Variants in EPS8L1 observed in about 807,000 individuals in gnomAD.
EPS8L1 encodes the protein EPS8 signaling adaptor L1, also known as epidermal growth factor receptor kinase substrate 8-like protein 1.
Under a neutral mutation model 91.7 loss-of-function variants are expected in EPS8L1, and 101 were observed. The ratio of observed to expected loss-of-function variants is 1.10; its 90% confidence interval spans 0.94 to 1.30. The LOEUF is 1.30. Ranked by LOEUF, EPS8L1 falls within the 50% of genes most tolerant of loss-of-function variation. The probability of loss-of-function intolerance (pLI) is 0.00; values close to 1 mark genes in which losing one functional copy is unlikely to be tolerated. For synonymous variants in EPS8L1, 506 were observed against 445.3 expected, an observed-to-expected ratio of 1.14 and a Z score of -1.72; for missense variants, 1,114 against 1,017.0, an observed-to-expected ratio of 1.10 and a Z score of -1.30.
rs141622953 is a variant in EPS8L1 at position 55,079,842 on chromosome 19, G to T, written c.270G>T (p.Pro90=). 8 of 1,611,926 alleles carry T rather than the reference G, an allele frequency of 5.0e-6. No individual in the cohort carries two copies. The South Asian group carries it at 7.7e-5, about 16-fold the overall frequency. The change falls in exon 5 of 20, where the codon CCG becomes CCT. Residue 90 remains proline, a synonymous_variant. Transcript: ENST00000201647. The part of the protein sequence containing the change: ...VSPDHVTLLD[P]ASKEELESYP... The stretch of plus-strand genomic sequence containing the variant: ...CCGACCATGTCACGCTGCTCGACCC[G>T]GCCTCCAAGGTGCCGGGGGGCACGT...
At chr19:55,077,867 G>C (rs887802896) in intron 2 of EPS8L1, among the ~76,000 whole-genome samples, 1 of 150,514 alleles carries the variant, frequency 6.6e-6, no homozygotes, top group African/African-American at 2.4e-5. Flanking sequence ...GATTACAGGC[G>C]TGAGCCACCG....
chr19:55,087,880 T>C lies in EPS8L1; in HGVS notation c.*266T>C, dbSNP rs1333897909. 17 of 497,816 alleles carry C rather than the reference T, an allele frequency of 3.4e-5. 1 individual carries two copies. In the East Asian group the frequency reaches 6.3e-4, roughly 19 times the overall value. 30.8% of individuals were successfully genotyped at this position (497,816 alleles called of 1,614,324 possible). ...AGAGGGTGCAGTGGAGCCCTGAGCA[T>C]TGTAATATGCGGCCCAGCCTATAAA... On this transcript the variant is annotated 3_prime_UTR_variant, in exon 20 of 20. Coordinates refer to ENST00000201647, the MANE Select transcript of EPS8L1 (RefSeq NM_133180.3).
chr19:55,081,386 C>A lies in EPS8L1; in HGVS notation c.668C>A (p.Ala223Glu), dbSNP rs2076256084. 1 of 1,581,442 alleles carries A rather than the reference C, an allele frequency of 6.3e-7. No individual in the cohort carries two copies. Among genetic ancestry groups the A allele is most frequent in the African/African-American group, 1.3e-5 (1 of 74,484 alleles). Reference sequence around the variant, plus strand: ...AAGCCCATTCCCGAGGCAGAGGAGGCGCAGAGGCCTGAGCCGGTGGGGACC... The same window carrying A: ...AAGCCCATTCCCGAGGCAGAGGAGGAGCAGAGGCCTGAGCCGGTGGGGACC... ...QAKPIPEAEE[A>E]QRPEPVGTSS... Residue 223 changes from alanine (A) to glutamate (E), a missense_variant, in exon 8 of 20, where the codon GCG becomes GAG. Transcript: ENST00000201647. This position sits in a 1 kb window ranked among gnomAD's most constrained non-coding sequence, Gnocchi z 4.9.
intron 6 of EPS8L1, 57 bp from the exon 7 acceptor site, chr19:55,080,715 C>T: frequency 1.3e-6 from 2 of 1,588,118 alleles, no homozygotes; most frequent in Middle Eastern, 1.8e-4. Flanking sequence ...AGGGGCGAGG[C>T]CCGGGTAGGA....
At chr19:55,086,581 C>T (rs2076354749) in intron 17 of EPS8L1, 63 bp downstream of exon 17, 7 of 1,537,382 alleles carry the variant, frequency 4.6e-6, no homozygotes, top group African/African-American at 2.7e-5. Flanking sequence ...GGCAGAGAAA[C>T]GGGGGCTCAG....
chr19:55,085,778 C>A (rs1447749191), intron 14 of EPS8L1, 63 bp from the exon 15 acceptor site: 6 of 1,563,634 alleles, frequency 3.8e-6, no homozygotes, highest in Non-Finnish European at 5.2e-6. Context: ...ACACCAGCAC[C>A]CTGCAGCCCA....
Position 55,081,803 on chromosome 19 carries a change from G to T in EPS8L1, c.805G>T (p.Glu269Ter). 3.7e-6 allele frequency: 6 copies of T among 1,612,050 alleles called. No individual in the cohort carries two copies. The highest frequency in any genetic ancestry group is 5.1e-6 in the Non-Finnish European group (6 of 1,178,462). The change falls in exon 9 of 20, where the codon GAG (glutamate) becomes TAG (stop). Residue 269 changes from glutamate (E) to a stop codon, truncating the protein, a stop_gained. Coordinates refer to ENST00000201647, the MANE Select transcript of EPS8L1 (RefSeq NM_133180.3). LOFTEE classifies it high-confidence loss of function. The surrounding 1 kb of genome is among the most constrained non-coding windows in gnomAD (Gnocchi z 4.9). ...CCTGAACCACGTGTTCGACGACGTA[G>T]AGAGCTTTGTATCGAGGCTGCAGAA... is the stretch of plus-strand genomic sequence containing the variant. ...DILNHVFDDVESFVSRLQKSA... is the reference protein window; with the variant it reads ...DILNHVFDDV
chr19:55,086,421 A>AGCCCCG lies in EPS8L1; in HGVS notation c.1686_1691dup (p.Ala563_Pro564dup), dbSNP rs1568797540. 7.7e-6 allele frequency: 12 copies of AGCCCCG among 1,560,368 alleles called. No individual in the cohort carries two copies. The highest frequency in any genetic ancestry group is 1.7e-4 in the Middle Eastern group (1 of 6,022). ...GCACTCCTCCTCCACCACCAGCCCC[A>AGCCCCG]GCCCCGGCCCCACCTCCAGCTCTGG... On this transcript the variant is annotated inframe_insertion, in exon 17 of 20. Coordinates refer to ENST00000201647, the MANE Select transcript of EPS8L1 (RefSeq NM_133180.3).
Position 55,081,551 on chromosome 19 carries a change from G to T in EPS8L1, c.774+59G>T. The T allele has an allele frequency of 6.7e-7, 1 of 1,492,388 alleles. No individual in the cohort carries two copies. The highest frequency in any genetic ancestry group is 1.4e-5 in the South Asian group (1 of 73,200). 92.4% of individuals were successfully genotyped at this position (1,492,388 alleles called of 1,614,324 possible). On this transcript the variant is annotated intron_variant, in intron 8 of 19. Coordinates refer to ENST00000201647, the MANE Select transcript of EPS8L1 (RefSeq NM_133180.3). This position sits in a 1 kb window ranked among gnomAD's most constrained non-coding sequence, Gnocchi z 4.9. ...CCAGGCGACTGGAGGCGGGGCTAGG[G>T]CGTGGAAGGGCGGGGCCGGCTGCGG...
rs1364744464 is a variant in EPS8L1 at position 55,080,829 on chromosome 19, G to A, written c.487G>A (p.Gly163Arg). The A allele has an allele frequency of 1.2e-6, 2 of 1,611,360 alleles. No individual in the cohort carries two copies. The highest frequency in any genetic ancestry group is 2.2e-5 in the South Asian group (2 of 90,804). Residue 163 changes from glycine (G) to arginine (R), a missense_variant, in exon 7 of 20, where the codon GGG becomes AGG. Gly to Arg is a moderately radical substitution (Grantham distance 125). Transcript: ENST00000201647. ...TCTGCACAATTACCGCTCGGGCCGC[G>A]GGGAGCGCAGGGCGGCGGCGCTCAG... is the stretch of plus-strand genomic sequence containing the variant. ...GALHNYRSGRGERRAAALRAT... is the reference protein window; with the variant it reads ...GALHNYRSGRRERRAAALRAT...
intron 6 of EPS8L1, 125 bp downstream of exon 6, chr19:55,080,403 G>A (rs2076229649): frequency 1.9e-6 from 3 of 1,576,180 alleles, no homozygotes; most frequent in Non-Finnish European, 2.6e-6. Flanking sequence ...GAGCAAGGAA[G>A]GGCAGGGGAC....
At chr19:55,086,009 C>T in intron 15 of EPS8L1, 36 bp downstream of exon 15, 1 of 1,602,108 alleles carries the variant, frequency 6.2e-7, no homozygotes, top group African/African-American at 1.3e-5. Flanking sequence ...CAGGAATTAG[C>T]CAGCCCTAGC....
chr19:55,087,454 C>A lies in EPS8L1; in HGVS notation c.2085+19C>A, dbSNP rs763293832. ...GCTGGAGGTGAGCCGGACCGCTGGTCCCTGGGTCTGGGTAGGGTTGGGATG... is the reference window on the plus strand; with the variant it reads ...GCTGGAGGTGAGCCGGACCGCTGGTACCTGGGTCTGGGTAGGGTTGGGATG... On this transcript the variant is annotated intron_variant, in intron 19 of 19. Coordinates refer to ENST00000201647, the MANE Select transcript of EPS8L1 (RefSeq NM_133180.3). 6.2e-7 allele frequency: 1 copy of A among 1,614,094 alleles called. No individual in the cohort carries two copies.
At chr19:55,080,658 G>A in intron 6 of EPS8L1, 114 bp from the exon 7 acceptor site, 1 of 1,565,932 alleles carries the variant, frequency 6.4e-7, no homozygotes, top group East Asian at 2.3e-5. Flanking sequence ...GTTCACAGGT[G>A]TGAACGGTAG....
chr19:55,080,161 C>A lies in EPS8L1; in HGVS notation c.312C>A (p.Ile104=). Residue 104 remains isoleucine (I), a synonymous_variant, in exon 6 of 20, where the codon ATC becomes ATA. Transcript: ENST00000201647. ...EELESYPLGA[I]VRCDAVMPPG... ...TGGAGTCGTACCCACTGGGCGCCAT[C>A]GTGCGCTGTGACGCGGTGATGCCAC... 6.6e-7 allele frequency: 1 copy of A among 1,526,420 alleles called. No homozygotes were observed. The highest frequency in any genetic ancestry group is 8.8e-7 in the Non-Finnish European group (1 of 1,130,658). The allele number at this position is 1,526,420 out of a possible 1,614,324, so 94.6% of individuals were successfully genotyped here. A position where few individuals can be genotyped will look rare whatever the true frequency, so the allele number is the denominator to read the frequency against.
In EPS8L1 at chr19:55,081,945, T is replaced by C. The variant is rs776160232; in HGVS notation, c.901+46T>C. On this transcript the variant is annotated intron_variant, in intron 9 of 19. Transcript: ENST00000201647. The surrounding 1 kb of genome is among the most constrained non-coding windows in gnomAD (Gnocchi z 4.9). Reference sequence around the variant, plus strand: ...GGATCTGAACCCCCTCCCGATCTCTTCCAAATGTCCCCGCTCTCCCCAGGC... The same window carrying C: ...GGATCTGAACCCCCTCCCGATCTCTCCCAAATGTCCCCGCTCTCCCCAGGC... 1.3e-6 allele frequency: 2 copies of C among 1,588,188 alleles called. No homozygotes were observed. Among genetic ancestry groups the C allele is most frequent in the Non-Finnish European group, 1.7e-6 (2 of 1,167,388 alleles).
chr19:55,080,997 A>T (rs545228955), intron 7 of EPS8L1, 143 bp downstream of exon 7: 6 of 914,622 alleles, frequency 6.6e-6, no homozygotes, highest in Middle Eastern at 4.4e-4. Flanking sequence ...TACCTCCCAG[A>T]CGAGCTGACC....
rs1205313238 is a variant in EPS8L1 at position 55,085,930 on chromosome 19, G to A, written c.1475G>A (p.Arg492His). The A allele has an allele frequency of 9.9e-6, 16 of 1,613,540 alleles. No individual in the cohort carries two copies. The highest frequency in any genetic ancestry group is 1.3e-5 in the African/African-American group (1 of 74,878). ...CTGTGTAATTATGACTTCCAGGCCC[G>A]CAACAGCAGTGAGCTGTCGGTCAAG... ...WVLCNYDFQA[R>H]NSSELSVKQR... The change falls in exon 15 of 20, where the codon CGC becomes CAC. Residue 492 changes from arginine (R) to histidine (H), a missense_variant. Physicochemically the swap from Arg to His is conservative, Grantham distance 29. Transcript: ENST00000201647.
chr19:55,086,927 G>C, intron 18 of EPS8L1, 39 bp downstream of exon 18: 1 of 1,404,992 alleles, frequency 7.1e-7, no homozygotes, highest in South Asian at 1.6e-5. Context: ...GGGTTGATAC[G>C]GACGCTGGGA....
Sources: allele counts gnomAD v4.1 joint callset (sites outside exome capture counted in the v4.1 genomes callset), GRCh38; gene constraint gnomAD v4.1.1; non-coding constraint Gnocchi (gnomAD v3.1); transcripts MANE v1.5; gene names NCBI Gene and HGNC (gene_info 2026-07-23, HGNC 2026-07-21).